Variants in WWC1 observed in about 807,000 individuals in gnomAD.
WWC1 encodes WW and C2 domain containing 1.
In WWC1, 55 loss-of-function variants were observed where a neutral mutation model predicts 138.4. The observed-to-expected ratio is 0.40, with a 90% CI of 0.32 to 0.50. The LOEUF is 0.50. WWC1 is among the 20% of genes least tolerant of loss of function. The pLI, the probability that WWC1 is intolerant of heterozygous loss-of-function variation, is 0.72. For missense variants in WWC1, 1,226 were observed against 1,420.4 expected (o/e 0.86, Z 2.20); for synonymous variants, 524 against 564.9 (o/e 0.93, Z 1.03).
intron 1 of WWC1, among the ~76,000 whole-genome samples, chr5:168,357,319 C>CAT (rs1414110019): frequency 1.3e-5 from 2 of 151,272 alleles, no homozygotes; most frequent in Admixed American, 1.3e-4. Flanking sequence ...CACACACACA[C>CAT]ACACACACAC....
At chr5:168,336,341 C>T (rs572987016) in intron 1 of WWC1, among the ~76,000 whole-genome samples, 6 of 152,190 alleles carry the variant, frequency 3.9e-5, no homozygotes, top group East Asian at 1.9e-4. Flanking sequence ...GAGGCCGAGG[C>T]GGGTGGATCA....
At chr5:168,345,750 T>C (rs539852769) in intron 1 of WWC1, among the ~76,000 whole-genome samples, 5 of 152,330 alleles carry the variant, frequency 3.3e-5, no homozygotes, top group African/African-American at 1.2e-4. Context: ...CATGGGTTAA[T>C]TTTTTAACTC....
At chr5:168,328,826 C>T (rs1581932739) in intron 1 of WWC1, among the ~76,000 whole-genome samples, 2 of 152,048 alleles carry the variant, frequency 1.3e-5, no homozygotes, top group East Asian at 1.9e-4. Flanking sequence ...TGAGCCACCG[C>T]GCCTGGCCTG....
intron 1 of WWC1, among the ~76,000 whole-genome samples, chr5:168,338,514 C>A (rs183515516): frequency 6.6e-6 from 1 of 151,144 alleles, no homozygotes; most frequent in East Asian, 2.0e-4. Context: ...CGGGTTCAAG[C>A]GGTTCTCCTG....
chr5:168,351,782 T>G (rs753767936), intron 1 of WWC1, among the ~76,000 whole-genome samples: 4 of 152,162 alleles, frequency 2.6e-5, no homozygotes, highest in Non-Finnish European at 5.9e-5. Flanking sequence ...CCAGGCTGTT[T>G]CTGCACCACG....
intron 22 of WWC1, 84 bp downstream of exon 22, chr5:168,468,048 C>A: frequency 6.4e-7 from 1 of 1,572,956 alleles, no homozygotes; most frequent in Non-Finnish European, 8.7e-7. Flanking sequence ...TTACTGCTCT[C>A]ATCCCTTGCT....
chr5:168,448,103 C>G (rs1755444302), intron 17 of WWC1, among the ~76,000 whole-genome samples: 1 of 152,130 alleles, frequency 6.6e-6, no homozygotes, highest in African/African-American at 2.4e-5. Flanking sequence ...CCCTGCCATT[C>G]AAACTTCCCC....
intron 2 of WWC1, among the ~76,000 whole-genome samples, chr5:168,383,493 G>T (rs1006816805): frequency 6.6e-6 from 1 of 152,284 alleles, no homozygotes; most frequent in South Asian, 2.1e-4. Context: ...TGTTTAGGAG[G>T]AATGAGAGCT....
Position 168,423,642 on chromosome 5 carries a change from T to C in WWC1, c.1384T>C (p.Phe462Leu). The C allele has an allele frequency of 6.2e-7, 1 of 1,614,150 alleles. No homozygotes were observed. The change falls in exon 11 of 23, where the codon TTC becomes CTC. Residue 462 changes from phenylalanine to leucine, a missense_variant. Coordinates refer to ENST00000265293, the MANE Select transcript of WWC1 (RefSeq NM_015238.3). ...SSLDSSTSASFTDLYYDPFEQ... is the reference protein window; with the variant it reads ...SSLDSSTSASLTDLYYDPFEQ... ...CCTGGACTCCTCCACTTCAGCCAGCTTCACTGACCTCTACTATGACCCCTT... is the reference window on the plus strand; with the variant it reads ...CCTGGACTCCTCCACTTCAGCCAGCCTCACTGACCTCTACTATGACCCCTT...
In WWC1 at chr5:168,350,542, A is replaced by T. The variant is rs371750419; in HGVS notation, c.120-20882A>T. Among the ~76,000 whole-genome samples the T allele has an allele frequency of 2.4e-4, 37 of 152,312 alleles. No individual in the cohort carries two copies. In the East Asian group the frequency reaches 6.4e-3, roughly 26 times the overall value. ...GAGGGTGCTTGGACTGAAGTTGAGCATGCCTCTTCTGGACTGGCTCTCCCT... is the reference window on the plus strand; with the variant it reads ...GAGGGTGCTTGGACTGAAGTTGAGCTTGCCTCTTCTGGACTGGCTCTCCCT... On this transcript the variant is annotated intron_variant, in intron 1 of 22. Coordinates refer to ENST00000265293, the MANE Select transcript of WWC1 (RefSeq NM_015238.3).
At chr5:168,443,000 G>A (rs533818365) in intron 16 of WWC1, among the ~76,000 whole-genome samples, 5 of 152,304 alleles carry the variant, frequency 3.3e-5, no homozygotes, top group African/African-American at 1.2e-4. Flanking sequence ...AGGCAGACTA[G>A]TCAGAACTCA....
chr5:168,437,723 G>A (rs146154955), intron 15 of WWC1, among the ~76,000 whole-genome samples: 167 of 152,210 alleles, frequency 1.1e-3, no homozygotes, highest in African/African-American at 3.8e-3. Context: ...CTGTGAGCCC[G>A]CCCCAGATAA....
At position 168,428,144 on chromosome 5, in the gene WWC1, AG is replaced by A; in HGVS notation, c.1919+5del. On this transcript the variant is annotated splice_donor_region_variant and intron_variant, in intron 12 of 22. Coordinates refer to ENST00000265293, the MANE Select transcript of WWC1 (RefSeq NM_015238.3). ...GTGTACGAGGCTTCCGTGCAGAGGTAGGTGTCTGGGTGCTGGCTCTCTCTGT... is the reference window on the plus strand; with the variant it reads ...GTGTACGAGGCTTCCGTGCAGAGGTAGTGTCTGGGTGCTGGCTCTCTCTGT... 1 of 1,612,006 alleles carries A rather than the reference AG, an allele frequency of 6.2e-7. No homozygotes were observed. The highest frequency in any genetic ancestry group is 8.5e-7 in the Non-Finnish European group (1 of 1,178,672).
chr5:168,424,137 C>T, intron 11 of WWC1, 69 bp downstream of exon 11: 1 of 1,504,922 alleles, frequency 6.6e-7, no homozygotes, highest in Non-Finnish European at 8.9e-7. Flanking sequence ...CTCAGAACCC[C>T]CCAGTGATCA....
intron 1 of WWC1, among the ~76,000 whole-genome samples, chr5:168,298,079 C>T (rs1769716984): frequency 6.6e-6 from 1 of 152,070 alleles, no homozygotes; most frequent in South Asian, 2.1e-4. Context: ...TGCTCAGTCA[C>T]CCAGGTTGGA....
intron 3 of WWC1, among the ~76,000 whole-genome samples, chr5:168,390,270 AATTATT>A (rs1382767536): frequency 6.6e-6 from 1 of 152,172 alleles, no homozygotes; most frequent in Admixed American, 6.5e-5. Flanking sequence ...CTCAGTAAAT[AATTATT>A]ATTATTAGTT....
At chr5:168,362,358 C>G (rs1775939843) in intron 1 of WWC1, among the ~76,000 whole-genome samples, 1 of 152,156 alleles carries the variant, frequency 6.6e-6, no homozygotes, top group African/African-American at 2.4e-5. Flanking sequence ...AACTGAGCCA[C>G]ATAGAGTTTA....
At chr5:168,455,174 T>G (rs1324012948) in intron 18 of WWC1, among the ~76,000 whole-genome samples, 182 bp from the exon 19 acceptor site, 2 of 152,088 alleles carry the variant, frequency 1.3e-5, no homozygotes, top group Non-Finnish European at 1.5e-5. Context: ...CACCTAGCCT[T>G]GGGTACTGTC....
intron 1 of WWC1, among the ~76,000 whole-genome samples, chr5:168,361,075 G>T (rs1188592711): frequency 1.3e-5 from 2 of 152,192 alleles, no homozygotes; most frequent in Non-Finnish European, 1.5e-5. Context: ...GCTGTGTTGA[G>T]TCTTGTCCGT....
Sources: allele counts gnomAD v4.1 joint callset (sites outside exome capture counted in the v4.1 genomes callset), GRCh38; gene constraint gnomAD v4.1.1; transcripts MANE v1.5; gene names NCBI Gene and HGNC (gene_info 2026-07-23, HGNC 2026-07-21).